Variants in GPR139 observed in about 807,000 individuals in gnomAD.
GPR139 encodes the protein G protein-coupled receptor 139, also known as probable G protein-coupled receptor 139.
A neutral mutation model predicts 25.8 loss-of-function variants in GPR139; 12 were observed. The ratio of observed to expected loss-of-function variants is 0.47; its 90% CI spans 0.30 to 0.75. The LOEUF is 0.75. Among genes scored for constraint, GPR139 ranks in the 30% least tolerant of loss-of-function variants. The probability of loss-of-function intolerance (pLI) is 0.07; values close to 1 mark genes in which losing one functional copy is unlikely to be tolerated. For synonymous variants in GPR139, 184 were observed against 179.9 expected (o/e 1.02, Z -0.18); for missense variants, 380 against 450.2 (o/e 0.84, Z 1.41).
chr16:20,039,588 T>C (rs2057323276), intron 1 of GPR139, among the ~76,000 whole-genome samples: 1 of 152,214 alleles, frequency 6.6e-6, no homozygotes, highest in Non-Finnish European at 1.5e-5. Flanking sequence ...AATATCTCAC[T>C]TAATCTTCAC....
intron 1 of GPR139, among the ~76,000 whole-genome samples, chr16:20,066,466 T>A (rs997498419): frequency 2.0e-5 from 3 of 152,258 alleles, no homozygotes; most frequent in Non-Finnish European, 2.9e-5. Flanking sequence ...AATTGATTGC[T>A]TAATCTATTG....
rs1365341383 is a variant in GPR139, at chr16:20,031,014, A to G, written c.*721T>C. On this transcript the variant is annotated 3_prime_UTR_variant, in exon 2 of 2. Coordinates refer to ENST00000570682, the MANE Select transcript of GPR139 (RefSeq NM_001002911.4). ...CCTCCTTTCCCCCTGCGCACCAGGC[A>G]GGGTCTTTGTTTTGGAGGAGATAGA... Among the ~76,000 whole-genome samples the G allele has an allele frequency of 6.6e-6, 1 of 152,060 alleles. No homozygotes were observed. Among genetic ancestry groups the G allele is most frequent in the Non-Finnish European group, 1.5e-5 (1 of 68,016 alleles).
At chr16:20,069,444 C>T (rs1403886444) in intron 1 of GPR139, among the ~76,000 whole-genome samples, 3 of 152,204 alleles carry the variant, frequency 2.0e-5, no homozygotes, top group African/African-American at 4.8e-5. Flanking sequence ...CTCAGTCCAG[C>T]TGACAGATCA....
intron 1 of GPR139, among the ~76,000 whole-genome samples, chr16:20,063,236 T>A (rs2057420354): frequency 6.6e-6 from 1 of 152,048 alleles, no homozygotes; most frequent in African/African-American, 2.4e-5. Context: ...AAACAGGAGG[T>A]AGTCTTAAAT....
At chr16:20,049,219 G>A (rs575770430) in intron 1 of GPR139, among the ~76,000 whole-genome samples, 16 of 152,282 alleles carry the variant, frequency 1.1e-4, no homozygotes, top group African/African-American at 3.1e-4. Flanking sequence ...GTGATGGATG[G>A]ATGGATGAAC....
chr16:20,073,607 T>A lies in GPR139; in HGVS notation c.10A>T (p.Thr4Ser). Residue 4 changes from threonine (T) to serine (S), a missense_variant, in exon 1 of 2, where the codon ACG becomes TCG. Physicochemically the swap from Thr to Ser is moderately conservative, Grantham distance 58 (BLOSUM62 1). Coordinates refer to ENST00000570682, the MANE Select transcript of GPR139 (RefSeq NM_001002911.4). This position sits in a 1 kb window ranked among gnomAD's most constrained non-coding sequence, Gnocchi z 4.7. Reference sequence around the variant, plus strand: ...CTGTTGGCTGCGAGGTGGGCGTGCGTGTGCTCCATGAGCGCGCCCCTCGCT... The same window carrying A: ...CTGTTGGCTGCGAGGTGGGCGTGCGAGTGCTCCATGAGCGCGCCCCTCGCT... Reference protein sequence around the residue: MEHTHAHLAANSSL... With the variant: MEHSHAHLAANSSL... 6.2e-7 allele frequency: 1 copy of A among 1,606,460 alleles called. No individual in the cohort carries two copies.
At chr16:20,065,382 T>G (rs1160762438) in intron 1 of GPR139, among the ~76,000 whole-genome samples, 1 of 152,170 alleles carries the variant, frequency 6.6e-6, no homozygotes, top group Non-Finnish European at 1.5e-5. Context: ...TTGTGGTCAC[T>G]CCCACTTCTC....
At chr16:20,047,360 C>A (rs918500340) in intron 1 of GPR139, among the ~76,000 whole-genome samples, 10 of 152,286 alleles carry the variant, frequency 6.6e-5, no homozygotes, top group African/African-American at 2.4e-4. Context: ...CCTGACCTGG[C>A]CTCCCAAAGT....
intron 1 of GPR139, among the ~76,000 whole-genome samples, chr16:20,041,419 C>A (rs1011028106): frequency 6.6e-6 from 1 of 151,544 alleles, no homozygotes; most frequent in African/African-American, 2.4e-5. Flanking sequence ...AGATCAATTT[C>A]TAAGACTCCT....
intron 1 of GPR139, among the ~76,000 whole-genome samples, chr16:20,063,386 T>G (rs1320047081): frequency 1.3e-5 from 2 of 152,298 alleles, no homozygotes; most frequent in Admixed American, 1.3e-4. Context: ...TCTGTAGTCC[T>G]AGCTACTCAG....
intron 1 of GPR139, among the ~76,000 whole-genome samples, chr16:20,068,249 A>C (rs1182029562): frequency 6.7e-6 from 1 of 150,332 alleles, no homozygotes; most frequent in Non-Finnish European, 1.5e-5. Context: ...AAAAAAAAAA[A>C]AAAAAAAAAG....
In GPR139 at chr16:20,029,484, A is replaced by AAT. The variant is rs59809855; in HGVS notation, c.*2249_*2250dup. Among the ~76,000 whole-genome samples the AAT allele has an allele frequency of 9.9e-4, 142 of 144,094 alleles. 1 individual carries two copies. The highest frequency in any genetic ancestry group is 8.7e-3 in the East Asian group (44 of 5,058). 94.5% of individuals were successfully genotyped at this position (144,094 alleles called of 152,430 possible). A position where few individuals can be genotyped will look rare whatever the true frequency, so the allele number is the denominator to read the frequency against. On this transcript the variant is annotated 3_prime_UTR_variant, in exon 2 of 2. Transcript: ENST00000570682. The stretch of plus-strand genomic sequence containing the variant: ...TACATGTTTAAAAAATAAATAAATA[A>AAT]ATATATATATATATATATATTCAGT...
At chr16:20,061,418 G>A (rs2057414023) in intron 1 of GPR139, among the ~76,000 whole-genome samples, 1 of 152,068 alleles carries the variant, frequency 6.6e-6, no homozygotes. Context: ...TGGATGGGGG[G>A]ATGGATGGAT....
chr16:20,073,723 A>G lies in GPR139; in HGVS notation c.-107T>C. 1 of 1,363,026 alleles carries G rather than the reference A, an allele frequency of 7.3e-7. No individual in the cohort carries two copies. Among genetic ancestry groups the G allele is most frequent in the Non-Finnish European group, 9.8e-7 (1 of 1,025,004 alleles). The allele number at this position is 1,363,026 out of a possible 1,614,324, so 84.4% of individuals were successfully genotyped here. ...CGGAGGCAGCGGCAGCTGGAGCAGC[A>G]GCGCCTCTCTCCCCGCAGGACTGGC... On this transcript the variant is annotated 5_prime_UTR_variant, in exon 1 of 2. Transcript: ENST00000570682. This position sits in a 1 kb window ranked among gnomAD's most constrained non-coding sequence, Gnocchi z 4.7.
At chr16:20,033,895 C>T (rs2057300604) in intron 1 of GPR139, among the ~76,000 whole-genome samples, 1 of 151,274 alleles carries the variant, frequency 6.6e-6, no homozygotes, top group South Asian at 2.1e-4. Context: ...CAACCTAATA[C>T]ATAGTTTTTG....
intron 1 of GPR139, among the ~76,000 whole-genome samples, chr16:20,061,177 G>C (rs2057411897): frequency 1.4e-5 from 2 of 147,712 alleles, no homozygotes; most frequent in Non-Finnish European, 3.0e-5. Flanking sequence ...GCCAGGCCCA[G>C]AATGGATGGA....
At chr16:20,049,317 A>G (rs1435887359) in intron 1 of GPR139, among the ~76,000 whole-genome samples, 1 of 152,156 alleles carries the variant, frequency 6.6e-6, no homozygotes, top group African/African-American at 2.4e-5. Flanking sequence ...GTTCCCTTAT[A>G]TGTGTGATGA....
At chr16:20,060,367 G>A (rs1452374477) in intron 1 of GPR139, among the ~76,000 whole-genome samples, 1 of 151,732 alleles carries the variant, frequency 6.6e-6, no homozygotes, top group Non-Finnish European at 1.5e-5. Context: ...TGTGCAAGTT[G>A]ATGTGTACTT....
At chr16:20,055,089 C>T (rs2057384387) in intron 1 of GPR139, among the ~76,000 whole-genome samples, 1 of 151,858 alleles carries the variant, frequency 6.6e-6, no homozygotes, top group Non-Finnish European at 1.5e-5. Flanking sequence ...TTTTCTGATC[C>T]CCTACCTCCT....
Sources: gnomAD v4.1 joint callset for allele counts (sites outside exome capture counted in the v4.1 genomes callset) on GRCh38, gnomAD v4.1.1 for gene constraint, Gnocchi (gnomAD v3.1) non-coding constraint, MANE v1.5 for transcripts, NCBI Gene and HGNC (gene_info 2026-07-23, HGNC 2026-07-21) for gene names.